The following RYR3 variants were observed in gnomAD, a reference collection of about 807,000 sequenced individuals.
RYR3 encodes the protein brain ryanodine receptor-calcium release channel.
Under a neutral mutation model 584.3 loss-of-function variants are expected in RYR3, and 207 were observed. The observed-to-expected ratio is 0.35, with a 90% CI of 0.32 to 0.40. The LOEUF is 0.40. RYR3 is among the 10% of genes least tolerant of loss of function. The pLI, the probability that RYR3 is intolerant of heterozygous loss-of-function variation, is 1.00. For synonymous variants in RYR3, 2,416 were observed against 2,248.5 expected (o/e 1.07, Z -2.11); for missense variants, 5,616 against 6,089.2 (o/e 0.92, Z 2.59).
intron 1 of RYR3, among the ~76,000 whole-genome samples, chr15:33,399,340 A>G (rs937898391): frequency 3.3e-5 from 5 of 152,166 alleles, no homozygotes; most frequent in Admixed American, 2.0e-4. Context: ...CTCCTAAATT[A>G]AAAAAGTGAA....
intron 22 of RYR3, among the ~76,000 whole-genome samples, 157 bp from the exon 23 acceptor site, chr15:33,631,053 C>CT (rs1439236945): frequency 6.6e-6 from 1 of 152,174 alleles, no homozygotes; most frequent in Non-Finnish European, 1.5e-5. Context: ...CTCACAAAGC[C>CT]TAAGGCATTT....
At chr15:33,791,390 A>G (rs2075147623) in intron 67 of RYR3, among the ~76,000 whole-genome samples, 1 of 152,062 alleles carries the variant, frequency 6.6e-6, no homozygotes, top group Non-Finnish European at 1.5e-5. Flanking sequence ...ACACCCCTAC[A>G]TTCGGAGAGA....
At chr15:33,795,330 G>A (rs941228510) in intron 67 of RYR3, among the ~76,000 whole-genome samples, 4 of 151,122 alleles carry the variant, frequency 2.6e-5, no homozygotes, top group East Asian at 1.9e-4. Context: ...CTTCGTTTCC[G>A]CATGCCAGGA....
chr15:33,668,056 C>G (rs1228769100), intron 36 of RYR3, among the ~76,000 whole-genome samples: 3 of 90,270 alleles, frequency 3.3e-5, no homozygotes, highest in Non-Finnish European at 6.6e-5. Context: ...AAGCAAGACT[C>G]AGTCTTGAAA....
intron 64 of RYR3, 81 bp from the exon 65 acceptor site, chr15:33,780,130 C>T (rs1347754613): frequency 6.5e-7 from 1 of 1,542,116 alleles, no homozygotes; most frequent in Non-Finnish European, 8.8e-7. Context: ...ATGGATTAAT[C>T]TATGGGGAAG....
chr15:33,689,229 G>GT (rs1339017573), intron 38 of RYR3, among the ~76,000 whole-genome samples: 1 of 115,874 alleles, frequency 8.6e-6, no homozygotes, highest in Non-Finnish European at 1.7e-5. Flanking sequence ...TTGTGGGGTG[G>GT]GGGAGGGGGG....
chr15:33,794,266 CATAG>C (rs1024570681), intron 67 of RYR3, among the ~76,000 whole-genome samples: 12 of 54,082 alleles, frequency 2.2e-4, no homozygotes, highest in African/African-American at 4.0e-4. Flanking sequence ...TACAATTTCC[CATAG>C]ATAGGTAAGG....
chr15:33,472,940 C>G (rs1469793803), intron 1 of RYR3, among the ~76,000 whole-genome samples: 1 of 152,062 alleles, frequency 6.6e-6, no homozygotes, highest in African/African-American at 2.4e-5. Context: ...ACACTGCCTT[C>G]CTCCAACAAA....
rs537147887 is a variant in RYR3 at position 33,853,158 on chromosome 15, C to T, written c.13671+71C>T. ...TGGTGTATGTTTTTTAAGTTCTCCACATACAAACATGAGTAAATGTGATGC... is the reference window on the plus strand; with the variant it reads ...TGGTGTATGTTTTTTAAGTTCTCCATATACAAACATGAGTAAATGTGATGC... On this transcript the variant is annotated intron_variant, in intron 95 of 103. Transcript: ENST00000634891. 4.0e-6 allele frequency: 5 copies of T among 1,257,614 alleles called. No homozygotes were observed. The South Asian group carries it at 4.6e-5, about 12-fold the overall frequency. The allele number at this position is 1,257,614 out of a possible 1,614,324, so 77.9% of individuals were successfully genotyped here.
intron 1 of RYR3, among the ~76,000 whole-genome samples, chr15:33,438,941 A>C (rs944580744): frequency 1.3e-5 from 2 of 152,192 alleles, no homozygotes; most frequent in African/African-American, 4.8e-5. Flanking sequence ...TTCTGTGGTC[A>C]CTGTTGAATG....
At chr15:33,789,331 A>G (rs568440761) in intron 67 of RYR3, among the ~76,000 whole-genome samples, 1 of 151,906 alleles carries the variant, frequency 6.6e-6, no homozygotes, top group Non-Finnish European at 1.5e-5. Flanking sequence ...CTCTTTGAGC[A>G]CTGTAGCAAG....
At chr15:33,424,698 A>C (rs17817182) in intron 1 of RYR3, among the ~76,000 whole-genome samples, 2,379 of 152,288 alleles carry the variant, frequency 0.016, 34 homozygotes, top group Non-Finnish European at 0.025. Flanking sequence ...AGGCTCACCT[A>C]TCTCTGTTAG....
At chr15:33,609,510 T>C (rs916924176) in intron 18 of RYR3, among the ~76,000 whole-genome samples, 1 of 152,172 alleles carries the variant, frequency 6.6e-6, no homozygotes, top group South Asian at 2.1e-4. Context: ...ACAAAAATTA[T>C]CTGGGCAGTG....
At chr15:33,815,069 CAAAAA>C (rs35216286) in intron 74 of RYR3, among the ~76,000 whole-genome samples, 1 of 118,724 alleles carries the variant, frequency 8.4e-6, no homozygotes, top group Non-Finnish European at 1.8e-5. Flanking sequence ...GACTCTGTCT[CAAAAA>C]AAAAAAAAAA....
intron 43 of RYR3, among the ~76,000 whole-genome samples, chr15:33,712,648 A>G (rs1224716412): frequency 1.3e-5 from 2 of 152,218 alleles, no homozygotes; most frequent in African/African-American, 4.8e-5. Flanking sequence ...GAAGGCATGA[A>G]AAAGAAAAAT....
rs367877271 is a variant in RYR3, at chr15:33,838,783, T to C, written c.12803T>C (p.Ile4268Thr). ...PGITTELVHF[I>T]KGEKGDTDIM... ...ATCACCACTGAACTAGTACACTTCA[T>C]AAAGGGGGAGAAGGGAGATACAGAT... Residue 4268 changes from isoleucine (I) to threonine (T), a missense_variant, in exon 89 of 104, where the codon ATA (isoleucine) becomes ACA (threonine). Around this residue, in one of 9 missense-constraint regions of RYR3, gnomAD observed 918 missense variants for 887.4 expected, o/e 1.03. Transcript: ENST00000634891. 9 of 1,613,688 alleles carry C rather than the reference T, an allele frequency of 5.6e-6. No individual in the cohort carries two copies. Among genetic ancestry groups the C allele is most frequent in the Non-Finnish European group, 7.6e-6 (9 of 1,179,856 alleles).
At chr15:33,689,762 C>G (rs1419535675) in intron 38 of RYR3, among the ~76,000 whole-genome samples, 1 of 129,626 alleles carries the variant, frequency 7.7e-6, no homozygotes, top group Non-Finnish European at 1.7e-5. Context: ...GTTATACCTT[C>G]TTATGAATTG....
intron 1 of RYR3, among the ~76,000 whole-genome samples, chr15:33,456,344 T>A (rs1383517532): frequency 1.3e-5 from 2 of 151,616 alleles, no homozygotes; most frequent in Non-Finnish European, 3.0e-5. Context: ...GGACACTGAC[T>A]GTTTGTAGGC....
chr15:33,848,275 C>A lies in RYR3; in HGVS notation c.13498-16C>A. 6.2e-7 allele frequency: 1 copy of A among 1,613,038 alleles called. No individual in the cohort carries two copies. Among genetic ancestry groups the A allele is most frequent in the South Asian group, 1.1e-5 (1 of 91,030 alleles). On this transcript the variant is annotated splice_polypyrimidine_tract_variant and intron_variant, in intron 93 of 103. Coordinates refer to ENST00000634891, the MANE Select transcript of RYR3 (RefSeq NM_001036.6). ...ACAAAGCCTGCTCTGAGTAACCATCCTCCTCCCACTCCTAGGTGCCTTTGG... is the reference window on the plus strand; with the variant it reads ...ACAAAGCCTGCTCTGAGTAACCATCATCCTCCCACTCCTAGGTGCCTTTGG...
Sources: allele counts gnomAD v4.1 joint callset (sites outside exome capture counted in the v4.1 genomes callset), GRCh38; gene constraint gnomAD v4.1.1; regional missense constraint gnomAD v4.1.1; transcripts MANE v1.5; gene names NCBI Gene and HGNC (gene_info 2026-07-23, HGNC 2026-07-21).